Variants in RAI14 observed in about 807,000 individuals in gnomAD.
RAI14 encodes the protein retinoic acid induced 14, also known as ankycorbin.
RAI14 carries 45 observed loss-of-function variants against 115.4 expected under a neutral mutation model. The ratio of observed to expected loss-of-function variants is 0.39; its 90% confidence interval spans 0.31 to 0.50. The LOEUF (loss-of-function observed/expected upper bound fraction) is 0.50. RAI14 is among the 20% of genes least tolerant of loss of function. The pLI is 0.85. For missense variants in RAI14, 939 were observed against 1,131.2 expected, an observed-to-expected ratio of 0.83 and a Z score of 2.44; for synonymous variants, 371 against 415.4, an observed-to-expected ratio of 0.89 and a Z score of 1.30.
intron 1 of RAI14, among the ~76,000 whole-genome samples, chr5:34,680,063 A>G (rs189631140): frequency 7.1e-4 from 108 of 152,294 alleles, no homozygotes; most frequent in African/African-American, 2.6e-3. Flanking sequence ...CTCTATTCCA[A>G]AGTAAGTAGG....
chr5:34,789,124 G>A (rs964039775), intron 3 of RAI14, among the ~76,000 whole-genome samples: 1 of 152,132 alleles, frequency 6.6e-6, no homozygotes, highest in Non-Finnish European at 1.5e-5. Context: ...TGCTCTTAAT[G>A]AGTCATGTGC....
chr5:34,776,212 G>A lies in RAI14; in HGVS notation c.167+18614G>A, dbSNP rs116194793. Among the ~76,000 whole-genome samples, 768 of 152,266 alleles carry A rather than the reference G, an allele frequency of 5.0e-3. 4 individuals are homozygous for A. Among genetic ancestry groups the A allele is most frequent in the African/African-American group, 0.017 (711 of 41,544 alleles). On this transcript the variant is annotated intron_variant, in intron 3 of 17. Coordinates refer to ENST00000265109, the MANE Select transcript of RAI14 (RefSeq NM_015577.3). Reference sequence around the variant, plus strand: ...TATTCTCACTTATTTGTGGGAGCTAGAAATTAAACTCATGGAGATAAGAGC... The same window carrying A: ...TATTCTCACTTATTTGTGGGAGCTAAAAATTAAACTCATGGAGATAAGAGC...
chr5:34,799,513 C>CACACAG (rs1284170012), intron 4 of RAI14, among the ~76,000 whole-genome samples: 52 of 106,430 alleles, frequency 4.9e-4, no homozygotes, highest in Non-Finnish European at 1.1e-3. Context: ...CACACACACA[C>CACACAG]ACACACACAC....
intron 3 of RAI14, among the ~76,000 whole-genome samples, chr5:34,771,810 T>C (rs933541493): frequency 5.3e-5 from 8 of 152,228 alleles, no homozygotes; most frequent in African/African-American, 1.9e-4. Flanking sequence ...CTGTTTGCTT[T>C]TTTGCCAAAT....
chr5:34,786,731 C>T (rs7716361), intron 3 of RAI14, among the ~76,000 whole-genome samples: 25,690 of 152,048 alleles, frequency 0.17, 5,117 homozygotes, highest in African/African-American at 0.48. Flanking sequence ...TGAGCCTCCA[C>T]GTTGGGCACC....
At chr5:34,762,377 G>A (rs140584988) in intron 3 of RAI14, among the ~76,000 whole-genome samples, 238 of 152,174 alleles carry the variant, frequency 1.6e-3, no homozygotes, top group African/African-American at 5.5e-3. Flanking sequence ...CTCCACAGAC[G>A]TTCTCCAGAA....
chr5:34,669,828 A>G (rs1241653902), intron 1 of RAI14, among the ~76,000 whole-genome samples: 1 of 152,244 alleles, frequency 6.6e-6, no homozygotes, highest in Non-Finnish European at 1.5e-5. Context: ...AATTGTTGCC[A>G]AGACATGGAA....
intron 2 of RAI14, among the ~76,000 whole-genome samples, chr5:34,716,443 G>A (rs984612516): frequency 4.6e-5 from 7 of 151,320 alleles, no homozygotes; most frequent in African/African-American, 9.7e-5. Context: ...ACAGAGTCTC[G>A]CTTTTGTTGC....
chr5:34,770,985 C>G (rs1487006010), intron 3 of RAI14, among the ~76,000 whole-genome samples: 1 of 152,066 alleles, frequency 6.6e-6, no homozygotes, highest in East Asian at 1.9e-4. Context: ...TGCTGAGGCT[C>G]TCAAGGGATT....
intron 11 of RAI14, among the ~76,000 whole-genome samples, chr5:34,814,272 C>T (rs17522606): frequency 0.089 from 13,601 of 152,126 alleles, 903 homozygotes; most frequent in South Asian, 0.13. Flanking sequence ...AGAGGAATAG[C>T]TCATCTCATA....
intron 4 of RAI14, 145 bp downstream of exon 4, chr5:34,796,172 A>G: frequency 3.2e-6 from 2 of 615,598 alleles, no homozygotes; most frequent in Non-Finnish European, 5.8e-6. Flanking sequence ...AGGTGTGTGG[A>G]TCACTTGAGG....
At chr5:34,688,479 G>A (rs1738155211) in intron 2 of RAI14, among the ~76,000 whole-genome samples, 1 of 152,118 alleles carries the variant, frequency 6.6e-6, no homozygotes, top group South Asian at 2.1e-4. Context: ...AAAAACTGGT[G>A]GCAGTAGGGA....
chr5:34,824,319 G>T lies in RAI14; in HGVS notation c.2477G>T (p.Ser826Ile). The T allele has an allele frequency of 1.9e-6, 3 of 1,614,182 alleles. No homozygotes were observed. The highest frequency in any genetic ancestry group is 2.5e-6 in the Non-Finnish European group (3 of 1,180,018). The change falls in exon 15 of 18, where the codon AGT (serine) becomes ATT (isoleucine). Residue 826 changes from serine (S) to isoleucine (I), a missense_variant. By Grantham distance (142) the Ser-to-Ile change is moderately radical (BLOSUM62 -2). Transcript: ENST00000265109. ...CATTCAGAGGTTGTCCAGATTAGAA[G>T]TGAGGTCTCACAGGTGAAAAGAGAA... is the stretch of plus-strand genomic sequence containing the variant. Reference protein sequence around the residue: ...KVHSEVVQIRSEVSQVKREKE... With the variant: ...KVHSEVVQIRIEVSQVKREKE...
At chr5:34,737,909 T>G (rs2150039412) in intron 2 of RAI14, among the ~76,000 whole-genome samples, 1 of 152,360 alleles carries the variant, frequency 6.6e-6, no homozygotes, top group South Asian at 2.1e-4. Flanking sequence ...TTCCTGAATC[T>G]AATTGAAAGC....
chr5:34,733,911 C>A (rs1744514504), intron 2 of RAI14, among the ~76,000 whole-genome samples: 1 of 152,202 alleles, frequency 6.6e-6, no homozygotes, highest in African/African-American at 2.4e-5. Flanking sequence ...GTCCTCTCCC[C>A]CAAGGGCAGC....
At chr5:34,822,154 A>G (rs1014485982) in intron 14 of RAI14, among the ~76,000 whole-genome samples, 4 of 147,788 alleles carry the variant, frequency 2.7e-5, no homozygotes, top group East Asian at 1.9e-4. Flanking sequence ...TATAAAATAT[A>G]CTATATGCAT....
intron 2 of RAI14, among the ~76,000 whole-genome samples, chr5:34,692,814 A>G (rs549164348): frequency 6.6e-6 from 1 of 152,302 alleles, no homozygotes; most frequent in South Asian, 2.1e-4. Context: ...TAGGACTGCC[A>G]TAACAAAGGG....
At chr5:34,708,306 G>A (rs892582163) in intron 2 of RAI14, among the ~76,000 whole-genome samples, 33 of 151,776 alleles carry the variant, frequency 2.2e-4, no homozygotes, top group Admixed American at 4.6e-4. Flanking sequence ...GCGTTCAAGC[G>A]ATTCTCCTGC....
intron 2 of RAI14, among the ~76,000 whole-genome samples, chr5:34,690,416 G>A (rs1428211465): frequency 1.3e-5 from 2 of 152,302 alleles, no homozygotes; most frequent in East Asian, 1.9e-4. Context: ...TGGTGTGATC[G>A]CATTTCAGCC....
Sources: allele counts gnomAD v4.1 joint callset (sites outside exome capture counted in the v4.1 genomes callset), GRCh38; gene constraint gnomAD v4.1.1; transcripts MANE v1.5; gene names NCBI Gene and HGNC (gene_info 2026-07-23, HGNC 2026-07-21).